Variants in SLC38A12 observed in about 807,000 individuals in gnomAD.
SLC38A12 encodes the protein solute carrier family 38 member 12, also known as putative sodium-coupled neutral amino acid transporter 12.
chr17:74,836,634 T>C, the SLC38A12 span: 1 of 1,612,398 alleles, frequency 6.2e-7, no homozygotes, highest in Non-Finnish European at 8.5e-7. This position sits in a 1 kb window ranked among gnomAD's most constrained non-coding sequence, Gnocchi z 4.2. Context: ...CTGGGCTTTC[T>C]CCTGCTTCAT....
the SLC38A12 span, among the ~76,000 whole-genome samples, chr17:74,820,970 G>A: frequency 9.2e-5 from 14 of 152,170 alleles, no homozygotes; most frequent in African/African-American, 2.2e-4. Flanking sequence ...CTCTGTACAC[G>A]GCAGTCTTGG....
chr17:74,814,329 G>A, the SLC38A12 span, among the ~76,000 whole-genome samples: 42 of 150,938 alleles, frequency 2.8e-4, no homozygotes, highest in Admixed American at 1.8e-3. Context: ...TGGAGATGCC[G>A]ATGATGGTGG....
the SLC38A12 span, among the ~76,000 whole-genome samples, chr17:74,785,117 T>G: frequency 1.3e-5 from 2 of 152,172 alleles, no homozygotes; most frequent in African/African-American, 2.4e-5. Context: ...TGCGCTCACC[T>G]TTGTGCCAGG....
At chr17:74,793,856 G>A in the SLC38A12 span, among the ~76,000 whole-genome samples, 4 of 152,252 alleles carry the variant, frequency 2.6e-5, no homozygotes, top group East Asian at 7.7e-4. Context: ...TGAGGATCAC[G>A]TTTTCTTAGT....
the SLC38A12 span, among the ~76,000 whole-genome samples, chr17:74,827,324 C>A: frequency 9.4e-5 from 14 of 148,798 alleles, no homozygotes; most frequent in African/African-American, 3.5e-4. This position sits in a 1 kb window ranked among gnomAD's most constrained non-coding sequence, Gnocchi z 4.7. Flanking sequence ...TAGACAGAGT[C>A]TCGCTCTGTC....
the SLC38A12 span, among the ~76,000 whole-genome samples, chr17:74,811,686 A>C: frequency 6.6e-6 from 1 of 152,014 alleles, no homozygotes; most frequent in African/African-American, 2.4e-5. Context: ...ACACCACTGC[A>C]CTTTAGCCTG....
At chr17:74,797,315 G>T in the SLC38A12 span, among the ~76,000 whole-genome samples, 11 of 152,266 alleles carry the variant, frequency 7.2e-5, no homozygotes, top group East Asian at 1.9e-3. Flanking sequence ...GAAAGCAGAC[G>T]GGCATTAATT....
the SLC38A12 span, among the ~76,000 whole-genome samples, chr17:74,807,225 C>G: frequency 6.6e-6 from 1 of 151,944 alleles, no homozygotes; most frequent in East Asian, 1.9e-4. Context: ...CCACACTGAG[C>G]TCAGGACCCC....
the SLC38A12 span, among the ~76,000 whole-genome samples, chr17:74,810,234 T>C: frequency 8.5e-5 from 13 of 152,196 alleles, no homozygotes; most frequent in African/African-American, 3.1e-4. Flanking sequence ...ACAAGGTGCA[T>C]AGAGCTGGCC....
the SLC38A12 span, among the ~76,000 whole-genome samples, chr17:74,820,392 A>T: frequency 2.6e-5 from 4 of 152,226 alleles, no homozygotes; most frequent in Non-Finnish European, 5.9e-5. Context: ...CACTGTGCTG[A>T]GCATGAGTGC....
chr17:74,817,100 C>T, the SLC38A12 span, among the ~76,000 whole-genome samples: 4 of 151,110 alleles, frequency 2.6e-5, no homozygotes, highest in Admixed American at 6.6e-5. Context: ...TTTGTCACTC[C>T]GGATGCCTGC....
At chr17:74,838,437 G>T in the SLC38A12 span, 2 of 1,019,544 alleles carry the variant, frequency 2.0e-6, no homozygotes, top group Non-Finnish European at 2.4e-6. Context: ...CTTGCTTAAA[G>T]ACAAAGCTAA....
the SLC38A12 span, among the ~76,000 whole-genome samples, chr17:74,811,338 A>G: frequency 6.7e-6 from 1 of 149,566 alleles, no homozygotes; most frequent in Non-Finnish European, 1.5e-5. Context: ...TGAAGAAACC[A>G]AAAAAAAACA....
chr17:74,796,070 G>A, the SLC38A12 span, among the ~76,000 whole-genome samples: 7 of 152,198 alleles, frequency 4.6e-5, no homozygotes, highest in African/African-American at 4.8e-5. Flanking sequence ...AGTTAGGGAA[G>A]GGTCAGCCCA....
At chr17:74,790,320 C>T in the SLC38A12 span, 4 of 1,598,762 alleles carry the variant, frequency 2.5e-6, no homozygotes, top group African/African-American at 2.7e-5. Flanking sequence ...TTCTCGCGGG[C>T]CCGCACTTCC....
chr17:74,795,216 G>T, the SLC38A12 span: 5 of 948,230 alleles, frequency 5.3e-6, no homozygotes, highest in Non-Finnish European at 8.4e-6. Context: ...TGAGTTCATT[G>T]CATCTAGGGA....
At chr17:74,781,323 G>C in the SLC38A12 span, among the ~76,000 whole-genome samples, 1 of 151,776 alleles carries the variant, frequency 6.6e-6, no homozygotes, top group South Asian at 2.1e-4. Context: ...CTTAAGACAG[G>C]GTCTCACTGT....
the SLC38A12 span, among the ~76,000 whole-genome samples, chr17:74,782,502 G>C: frequency 1.3e-5 from 2 of 152,160 alleles, no homozygotes; most frequent in Non-Finnish European, 2.9e-5. Context: ...GCTCTTGTTG[G>C]TTTTTGAATA....
At chr17:74,835,820 CTCTT>C in the SLC38A12 span, 1 of 1,499,428 alleles carries the variant, frequency 6.7e-7, no homozygotes, top group South Asian at 1.4e-5. Flanking sequence ...CATTTAATGA[CTCTT>C]TCTCACAGGG....
Sources: gnomAD v4.1 joint callset for allele counts (sites outside exome capture counted in the v4.1 genomes callset) on GRCh38, gnomAD v4.1.1 for gene constraint, Gnocchi (gnomAD v3.1) non-coding constraint, MANE v1.5 for transcripts, NCBI Gene and HGNC (gene_info 2026-07-23, HGNC 2026-07-21) for gene names.